The following CLCNKB variants were observed in gnomAD, a reference collection of about 807,000 sequenced individuals.
The protein encoded by CLCNKB is chloride channel protein ClC-Kb.
Under a neutral mutation model 83.8 loss-of-function variants are expected in CLCNKB, and 74 were observed. That is an observed-to-expected ratio of 0.88 (90% CI 0.73 to 1.07). The LOEUF (loss-of-function observed/expected upper bound fraction) is 1.07, where lower values mean the gene tolerates loss of function less well. Ranked by LOEUF, CLCNKB falls within the 50% of genes least tolerant of loss-of-function variation. The pLI, the probability that CLCNKB is intolerant of heterozygous loss-of-function variation, is 0.00. For synonymous variants in CLCNKB, 358 were observed against 356.6 expected, an observed-to-expected ratio of 1.00 and a Z score of -0.04; for missense variants, 798 against 893.6, an observed-to-expected ratio of 0.89 and a Z score of 1.36.
rs191300422 is a variant in CLCNKB at position 16,045,486 on chromosome 1, G to C, written c.101-72G>C. On this transcript the variant is annotated intron_variant, in intron 2 of 19. Coordinates refer to ENST00000375679, the MANE Select transcript of CLCNKB (RefSeq NM_000085.5). ...CCCCAGCCTCTCTGCCTGAAGCCCA[G>C]CAGGCCTCCAAGGATGGGACTGTCT... 2.2e-3 allele frequency: 3,546 copies of C among 1,582,504 alleles called. 18 individuals carry two copies. The highest frequency in any genetic ancestry group is 8.5e-3 in the Middle Eastern group (50 of 5,852).
At chr1:16,054,261 G>A (rs2023379228) in intron 16 of CLCNKB, among the ~76,000 whole-genome samples, 1 of 152,186 alleles carries the variant, frequency 6.6e-6, no homozygotes, top group Non-Finnish European at 1.5e-5. Context: ...TCTGCATTTA[G>A]AAGATAAGGC....
intron 2 of CLCNKB, among the ~76,000 whole-genome samples, chr1:16,045,117 T>C (rs903627792): frequency 3.9e-5 from 6 of 152,144 alleles, no homozygotes; most frequent in African/African-American, 9.7e-5. Context: ...TAGCAGCCAG[T>C]GGGCCAGGAG....
At position 16,053,715 on chromosome 1, in the gene CLCNKB, G is replaced by A. The variant is rs1336512283; in HGVS notation, c.1699G>A (p.Val567Met). Residue 567 changes from valine to methionine, a missense_variant, in exon 16 of 20, where the codon GTG becomes ATG. Transcript: ENST00000375679. ...TLAKDMPLEE[V>M]VKVVTSTDVA... is the part of the protein sequence containing the mutation. Reference sequence around the variant, plus strand: ...GGCCAAGGACATGCCACTGGAGGAGGTGGTCAAGGTTGTGACCTCCACAGA... The same window carrying A: ...GGCCAAGGACATGCCACTGGAGGAGATGGTCAAGGTTGTGACCTCCACAGA... 5.0e-6 allele frequency: 8 copies of A among 1,613,848 alleles called. No individual in the cohort carries two copies. In the African/African-American group the frequency reaches 6.7e-5, roughly 13 times the overall value.
chr1:16,052,156 G>A (rs778835019), intron 14 of CLCNKB, 42 bp from the exon 15 acceptor site: 1 of 1,610,360 alleles, frequency 6.2e-7, no homozygotes, highest in African/African-American at 1.3e-5. Flanking sequence ...ACATGAGGCT[G>A]GCCCCTGGCC....
At chr1:16,047,073 G>T (rs1165594741) in intron 4 of CLCNKB, among the ~76,000 whole-genome samples, 1 of 152,246 alleles carries the variant, frequency 6.6e-6, no homozygotes, top group Non-Finnish European at 1.5e-5. Flanking sequence ...CCTTCTGCCA[G>T]GCCTGGCGGG....
intron 11 of CLCNKB, 68 bp from the exon 12 acceptor site, chr1:16,050,807 G>A (rs368997387): frequency 3.4e-5 from 54 of 1,604,534 alleles, no homozygotes; most frequent in East Asian, 2.0e-4. Flanking sequence ...GGGGTCAGGC[G>A]GTGCGGGGGA....
At chr1:16,046,274 G>A (rs1229495189) in intron 3 of CLCNKB, among the ~76,000 whole-genome samples, 1 of 152,224 alleles carries the variant, frequency 6.6e-6, no homozygotes, top group African/African-American at 2.4e-5. Flanking sequence ...AGCCCATCAC[G>A]AGCCCACTTG....
rs1292755028 is a variant in CLCNKB, at chr1:16,047,895, C to T, written c.359-10C>T. The T allele has an allele frequency of 1.2e-6, 2 of 1,613,256 alleles. No homozygotes were observed. The highest frequency in any genetic ancestry group is 1.7e-6 in the Non-Finnish European group (2 of 1,179,960). On this transcript the variant is annotated splice_polypyrimidine_tract_variant and intron_variant, in intron 4 of 19. Coordinates refer to ENST00000375679, the MANE Select transcript of CLCNKB (RefSeq NM_000085.5). ...TTGTCCCCCTCCTGGCCCTGCCCAC[C>T]CCCGCCAAGGTTCTGGAATCCCGGA...
Position 16,050,912 on chromosome 1 carries a change from A to G in CLCNKB, c.1091A>G (p.Asn364Ser), listed in dbSNP as rs748987694. 6.3e-5 allele frequency: 101 copies of G among 1,612,470 alleles called. No individual in the cohort carries two copies. The highest frequency in any genetic ancestry group is 8.2e-5 in the Non-Finnish European group (97 of 1,179,876). Residue 364 changes from asparagine (N) to serine (S), a missense_variant, in exon 12 of 20, where the codon AAC becomes AGC. Transcript: ENST00000375679. ...CAGCATCTGGACTCGCTGTTCGACAACCACTCCTGGGCGCTGATGACCCAG... is the reference window on the plus strand; with the variant it reads ...CAGCATCTGGACTCGCTGTTCGACAGCCACTCCTGGGCGCTGATGACCCAG... The part of the protein sequence containing the change: ...MKQHLDSLFD[N>S]HSWALMTQNS...
rs370236747 is a variant in CLCNKB, at chr1:16,044,571, C to G, written c.79C>G (p.Arg27Gly). Reference protein sequence around the residue: ...TLQELWGPCPRIRRGIRGGLE... With the variant: ...TLQELWGPCPGIRRGIRGGLE... ...GCAGGAGCTGTGGGGCCCCTGTCCC[C>G]GCATCCGCCGAGGCATCCGAGGTGA... Residue 27 changes from arginine (R) to glycine (G), a missense_variant, in exon 2 of 20, where the codon CGC (arginine) becomes GGC (glycine). Transcript: ENST00000375679. 6 of 1,604,288 alleles carry G rather than the reference C, an allele frequency of 3.7e-6. No homozygotes were observed. The Admixed American group carries it at 6.9e-5, about 18-fold the overall frequency.
intron 3 of CLCNKB, among the ~76,000 whole-genome samples, chr1:16,046,233 G>A (rs1314656568): frequency 5.3e-5 from 8 of 152,202 alleles, no homozygotes; most frequent in African/African-American, 1.7e-4. Flanking sequence ...AGTCTTTAAC[G>A]TCTTTAGTCT....
chr1:16,051,246 T>G (rs1445226696), intron 12 of CLCNKB, among the ~76,000 whole-genome samples, 198 bp downstream of exon 12: 2 of 152,060 alleles, frequency 1.3e-5, no homozygotes, highest in East Asian at 1.9e-4. Context: ...AAATGGGGTG[T>G]TTACTGGGAA....
At chr1:16,049,547 T>C in intron 8 of CLCNKB, 71 bp from the exon 9 acceptor site, 9 of 1,300,880 alleles carry the variant, frequency 6.9e-6, no homozygotes, top group Non-Finnish European at 8.6e-6. Context: ...CACCCTGGGC[T>C]GTTAGTCTGG....
At chr1:16,049,325 C>A in intron 8 of CLCNKB, 80 bp downstream of exon 8, 6 of 1,584,136 alleles carry the variant, frequency 3.8e-6, no homozygotes, top group Non-Finnish European at 5.1e-6. Context: ...CTGTGTACAC[C>A]CCTTGCTCTT....
Position 16,056,528 on chromosome 1 carries a change from A to G in CLCNKB, c.2016+20A>G, listed in dbSNP as rs200963207. On this transcript the variant is annotated intron_variant, in intron 19 of 19. Transcript: ENST00000375679. ...GTGGAGGTACCAGGGTCCCGGGGGC[A>G]GAGCAAAGCAGGGAACCTATGCCTG... 50 of 1,476,050 alleles carry G rather than the reference A, an allele frequency of 3.4e-5. No homozygotes were observed. The highest frequency in any genetic ancestry group is 4.4e-5 in the Non-Finnish European group (48 of 1,091,332). The allele number at this position is 1,476,050 out of a possible 1,614,324, so 91.4% of individuals were successfully genotyped here.
chr1:16,052,100 A>G lies in CLCNKB; in HGVS notation c.1409-98A>G. On this transcript the variant is annotated intron_variant, in intron 14 of 19. Transcript: ENST00000375679. ...CAGTGCCCAGGCTGTGGCCTCTTAC[A>G]AATCACACCTTAGCCCCTGGTCGCA... 6 of 1,488,436 alleles carry G rather than the reference A, an allele frequency of 4.0e-6. No homozygotes were observed. The South Asian group carries it at 6.9e-5, about 17-fold the overall frequency. The allele number at this position is 1,488,436 out of a possible 1,614,324, so 92.2% of individuals were successfully genotyped here. A position where few individuals can be genotyped will look rare whatever the true frequency, so the allele number is the denominator to read the frequency against.
rs35745997 is a variant in CLCNKB at position 16,050,644 on chromosome 1, T to G, written c.1053+44T>G. ...GGTGGCAGGAGTGGGGAAGCCCTAT[T>G]TGTTGCCTCCTTTGCGTGTATCTCA... On this transcript the variant is annotated intron_variant, in intron 11 of 19. Coordinates refer to ENST00000375679, the MANE Select transcript of CLCNKB (RefSeq NM_000085.5). 9.7e-4 allele frequency: 1,534 copies of G among 1,589,628 alleles called. 20 individuals carry two copies. The African/African-American group carries it at 0.017, about 18-fold the overall frequency.
chr1:16,046,792 G>C, intron 4 of CLCNKB, 129 bp downstream of exon 4: 4 of 1,181,454 alleles, frequency 3.4e-6, no homozygotes, highest in Non-Finnish European at 3.7e-6. Flanking sequence ...TGCCCAAAGG[G>C]ACACAGCAAG....
At chr1:16,054,895 T>C (rs1483441280) in intron 16 of CLCNKB, among the ~76,000 whole-genome samples, 1 of 152,166 alleles carries the variant, frequency 6.6e-6, no homozygotes, top group African/African-American at 2.4e-5. Context: ...CAAGTTTTTA[T>C]TCCACTCAAC....
Sources: gnomAD v4.1 joint callset for allele counts (sites outside exome capture counted in the v4.1 genomes callset) on GRCh38, gnomAD v4.1.1 for gene constraint, MANE v1.5 for transcripts, NCBI Gene and HGNC (gene_info 2026-07-23, HGNC 2026-07-21) for gene names.